Variants in IPMK observed in about 807,000 individuals in gnomAD.
The protein encoded by IPMK is inositol polyphosphate multikinase, also known as inositol 1,3,4,6-tetrakisphosphate 5-kinase.
Under a neutral mutation model 45.8 loss-of-function variants are expected in IPMK, and 17 were observed. The ratio of observed to expected loss-of-function variants is 0.37; its 90% CI spans 0.25 to 0.56. The LOEUF (loss-of-function observed/expected upper bound fraction) is 0.56, where lower values mean the gene tolerates loss of function less well. IPMK is among the 20% of genes least tolerant of loss of function. The probability of loss-of-function intolerance (pLI) is 0.79; values close to 1 mark genes in which losing one functional copy is unlikely to be tolerated. For missense variants in IPMK, 399 were observed against 498.0 expected (o/e 0.80, Z 1.89); for synonymous variants, 180 against 184.3 (o/e 0.98, Z 0.19).
intron 4 of IPMK, among the ~76,000 whole-genome samples, chr10:58,208,781 T>C (rs185485193): frequency 4.6e-5 from 7 of 152,340 alleles, no homozygotes; most frequent in African/African-American, 1.7e-4. Context: ...TTTTCCTAAG[T>C]TGATGATTCC....
intron 3 of IPMK, among the ~76,000 whole-genome samples, chr10:58,225,824 C>G (rs540838329): frequency 1.3e-5 from 2 of 151,932 alleles, no homozygotes; most frequent in South Asian, 4.2e-4. Context: ...CTTCCACTTA[C>G]AGCAAAGAGG....
At chr10:58,258,044 C>T (rs1446111735) in intron 1 of IPMK, among the ~76,000 whole-genome samples, 4 of 152,166 alleles carry the variant, frequency 2.6e-5, no homozygotes, top group Non-Finnish European at 5.9e-5. Context: ...GGCGTGGTGG[C>T]TCACACCTGT....
At chr10:58,250,444 G>A (rs1838864980) in intron 1 of IPMK, among the ~76,000 whole-genome samples, 1 of 151,666 alleles carries the variant, frequency 6.6e-6, no homozygotes, top group Non-Finnish European at 1.5e-5. Context: ...GTTAACTATT[G>A]TAAATGAGAT....
chr10:58,213,708 A>G (rs551100815), intron 4 of IPMK, among the ~76,000 whole-genome samples: 301 of 150,060 alleles, frequency 2.0e-3, no homozygotes, highest in Non-Finnish European at 3.5e-3. Context: ...AAAAAAAAAA[A>G]GAAAAAATAG....
At chr10:58,260,205 T>A (rs572589863) in intron 1 of IPMK, among the ~76,000 whole-genome samples, 1 of 152,292 alleles carries the variant, frequency 6.6e-6, no homozygotes, top group East Asian at 1.9e-4. Context: ...AAACTGAACT[T>A]AAAGGACATT....
intron 3 of IPMK, among the ~76,000 whole-genome samples, chr10:58,223,330 C>G (rs908787998): frequency 6.6e-6 from 1 of 151,842 alleles, no homozygotes; most frequent in African/African-American, 2.4e-5. Context: ...AGTCTTGATA[C>G]CCTAAGAAAA....
chr10:58,263,842 T>C (rs1839110356), intron 1 of IPMK, among the ~76,000 whole-genome samples: 1 of 152,178 alleles, frequency 6.6e-6, no homozygotes, highest in South Asian at 2.1e-4. Context: ...TAAGGAACTA[T>C]CAGAAACCCA....
At chr10:58,230,263 T>A (rs920977786) in intron 2 of IPMK, among the ~76,000 whole-genome samples, 1 of 152,222 alleles carries the variant, frequency 6.6e-6, no homozygotes, top group African/African-American at 2.4e-5. Context: ...TTCTGCAGAC[T>A]TAAACGTCCC....
At chr10:58,224,242 G>C (rs1280116294) in intron 3 of IPMK, among the ~76,000 whole-genome samples, 1 of 152,116 alleles carries the variant, frequency 6.6e-6, no homozygotes, top group East Asian at 1.9e-4. Flanking sequence ...AATCAGACTA[G>C]AGATTACATT....
chr10:58,226,401 A>G (rs183270868), intron 3 of IPMK, among the ~76,000 whole-genome samples: 200 of 152,352 alleles, frequency 1.3e-3, no homozygotes, highest in African/African-American at 4.5e-3. Context: ...CATTTTAACA[A>G]GACCATAGGT....
intron 1 of IPMK, among the ~76,000 whole-genome samples, chr10:58,245,887 T>C (rs907841373): frequency 1.5e-5 from 2 of 133,580 alleles, no homozygotes; most frequent in African/African-American, 3.5e-5. Context: ...GACGACATGA[T>C]TGTATATTTA....
intron 1 of IPMK, among the ~76,000 whole-genome samples, chr10:58,261,047 A>G (rs1167531910): frequency 1.3e-5 from 2 of 151,628 alleles, no homozygotes; most frequent in African/African-American, 4.9e-5. Context: ...AAACAAGCCA[A>G]TGAAAATAAA....
At chr10:58,259,263 G>A (rs1839020241) in intron 1 of IPMK, among the ~76,000 whole-genome samples, 1 of 151,922 alleles carries the variant, frequency 6.6e-6, no homozygotes, top group Admixed American at 6.6e-5. Flanking sequence ...GCCGAGACAG[G>A]GAAAACACAA....
At position 58,196,405 on chromosome 10, in the gene IPMK, ACT is replaced by A; in HGVS notation, c.920_921del (p.Glu307ValfsTer31). On this transcript the variant is annotated frameshift_variant, in exon 6 of 6. Coordinates refer to ENST00000373935, the MANE Select transcript of IPMK (RefSeq NM_152230.5). LOFTEE classifies it high-confidence loss of function. ...VLSSTANGKI[E>X]SSVGKSLSKM... ...TTGGACAAGCTTTTGCCCACTGAAG[ACT>A]CTATTTTTCCATTAGCTGTGGAACT... The A allele has an allele frequency of 1.9e-6, 3 of 1,613,756 alleles. No homozygotes were observed. Among genetic ancestry groups the A allele is most frequent in the Non-Finnish European group, 2.5e-6 (3 of 1,179,952 alleles).
Position 58,199,307 on chromosome 10 carries a change from A to C in IPMK, c.561T>G (p.His187Gln), listed in dbSNP as rs1450491698. 5.0e-6 allele frequency: 8 copies of C among 1,606,226 alleles called. No homozygotes were observed. In the Admixed American group the frequency reaches 1.2e-4, roughly 24 times the overall value. Residue 187 changes from histidine to glutamine, a missense_variant, in exon 5 of 6, where the codon CAT becomes CAG. Around this residue, in one of 2 missense-constraint regions of IPMK, gnomAD observed 288 missense variants for 398.0 expected, o/e 0.72. Coordinates refer to ENST00000373935, the MANE Select transcript of IPMK (RefSeq NM_152230.5). ...LVLGMRVYHV[H>Q]SDSYETENQH... ...GGTTTTCTGTCTCATAGCTATCGGAATGAACATGATAAACCTGTCAAAAAA... is the reference window on the plus strand; with the variant it reads ...GGTTTTCTGTCTCATAGCTATCGGACTGAACATGATAAACCTGTCAAAAAA...
intron 1 of IPMK, among the ~76,000 whole-genome samples, chr10:58,252,564 A>C (rs953605411): frequency 6.6e-6 from 1 of 151,510 alleles, no homozygotes; most frequent in African/African-American, 2.4e-5. Flanking sequence ...AATAAACATA[A>C]TACCAAATAG....
chr10:58,217,202 T>C (rs1269674323), intron 3 of IPMK, among the ~76,000 whole-genome samples: 2 of 140,534 alleles, frequency 1.4e-5, no homozygotes, highest in Non-Finnish European at 3.0e-5. Context: ...TCCCCAAAAG[T>C]TGTTCTGTAT....
intron 4 of IPMK, among the ~76,000 whole-genome samples, chr10:58,213,312 T>C (rs998977727): frequency 6.6e-6 from 1 of 152,154 alleles, no homozygotes; most frequent in Non-Finnish European, 1.5e-5. Context: ...AAAATGAGAA[T>C]AGAGAGCCCT....
At chr10:58,199,111 A>T (rs908486339) in intron 5 of IPMK, 129 bp downstream of exon 5, 2 of 581,976 alleles carry the variant, frequency 3.4e-6, no homozygotes, top group Non-Finnish European at 5.9e-6. Context: ...TGTAAATCTA[A>T]GTTTCATTAT....
Sources: gnomAD v4.1 joint callset for allele counts (sites outside exome capture counted in the v4.1 genomes callset) on GRCh38, gnomAD v4.1.1 for gene constraint, gnomAD v4.1.1 regional missense constraint, MANE v1.5 for transcripts, NCBI Gene and HGNC (gene_info 2026-07-23, HGNC 2026-07-21) for gene names.